PLEK2: variants seen among roughly 807,000 people sequenced by gnomAD.
The protein encoded by PLEK2 is pleckstrin-2.
Under a neutral mutation model 43.8 loss-of-function variants are expected in PLEK2, and 29 were observed. The observed-to-expected ratio is 0.66, with a 90% confidence interval of 0.49 to 0.90. The LOEUF is 0.90. Among genes scored for constraint, PLEK2 ranks in the 40% least tolerant of loss-of-function variants. The pLI, the probability that PLEK2 is intolerant of heterozygous loss-of-function variation, is 0.00. For synonymous variants in PLEK2, 162 were observed against 173.2 expected (o/e 0.94, Z 0.51); for missense variants, 398 against 448.1 (o/e 0.89, Z 1.01).
chr14:67,412,021 CTT>C lies in PLEK2; in HGVS notation c.37_38del (p.Lys13GlufsTer26). On this transcript the variant is annotated frameshift_variant, in exon 1 of 9. Transcript: ENST00000216446. LOFTEE classifies it high-confidence loss of function. ...CCGAAGCTCGACGCGCACTCACCCT[CTT>C]GACCAGGAAGCCCTCCTTGAGCACG... The part of the protein sequence containing the change: ...DGVLKEGFLV[K>X]RGHIVHNWKA... 1 of 1,556,294 alleles carries C rather than the reference CTT, an allele frequency of 6.4e-7. No individual in the cohort carries two copies. Among genetic ancestry groups the C allele is most frequent in the Non-Finnish European group, 8.7e-7 (1 of 1,153,630 alleles).
At chr14:67,408,515 G>C (rs2086096899) in intron 1 of PLEK2, among the ~76,000 whole-genome samples, 1 of 152,066 alleles carries the variant, frequency 6.6e-6, no homozygotes, top group Admixed American at 6.6e-5. Flanking sequence ...AGTCACCCTA[G>C]ACTAGAATGG....
At chr14:67,388,942 G>A (rs1005442901) in intron 7 of PLEK2, among the ~76,000 whole-genome samples, 1 of 151,976 alleles carries the variant, frequency 6.6e-6, no homozygotes, top group Non-Finnish European at 1.5e-5. Context: ...GCCTCCCAAA[G>A]TGCTGGGATT....
chr14:67,392,429 T>C lies in PLEK2; in HGVS notation c.670-2A>G, dbSNP rs773755656. 5 of 1,606,666 alleles carry C rather than the reference T, an allele frequency of 3.1e-6. No homozygotes were observed. In the East Asian group the frequency reaches 1.1e-4, roughly 36 times the overall value. On this transcript the variant is annotated splice_acceptor_variant, in intron 5 of 8. Transcript: ENST00000216446. LOFTEE classifies it high-confidence loss of function. ...TATCTTCTTTTTGTAGCTCTCAGCC[T>C]AGGGGGAAGGAGGGAGCAAGGACTC...
At chr14:67,392,993 G>A in intron 4 of PLEK2, 144 bp from the exon 5 acceptor site, 2 of 867,786 alleles carry the variant, frequency 2.3e-6, no homozygotes, top group Non-Finnish European at 3.7e-6. Flanking sequence ...CTGCTGCATA[G>A]AGCCGTGGCT....
chr14:67,405,009 G>A (rs118088625), intron 1 of PLEK2, among the ~76,000 whole-genome samples: 1,817 of 151,732 alleles, frequency 0.012, 18 homozygotes, highest in Non-Finnish European at 0.018. Context: ...CAAAGTAGGC[G>A]GGTCACCTGA....
rs1473839253 is a variant in PLEK2 at position 67,392,722 on chromosome 14, G to A, written c.609C>T (p.Ala203=). The A allele has an allele frequency of 1.2e-6, 2 of 1,614,206 alleles. 1 individual carries two copies. The highest frequency in any genetic ancestry group is 3.3e-4 in the Middle Eastern group (2 of 6,062). ...GCTCGGCCAGATCCCCAGAGCGAAT[G>A]GCTCCCATGCTTCGGACACCCACAG... ...LRPVGVRSMG[A]IRSGDLAEQF... Residue 203 remains alanine (A), a synonymous_variant, in exon 5 of 9, where the codon GCC becomes GCT. Coordinates refer to ENST00000216446, the MANE Select transcript of PLEK2 (RefSeq NM_016445.3).
chr14:67,392,122 C>T (rs940780511), intron 6 of PLEK2, among the ~76,000 whole-genome samples: 10 of 152,264 alleles, frequency 6.6e-5, no homozygotes, highest in Admixed American at 6.5e-4. Flanking sequence ...GCCCTTGTGT[C>T]TGGTACACAT....
At chr14:67,403,154 G>A (rs1035152425) in intron 1 of PLEK2, among the ~76,000 whole-genome samples, 2 of 152,136 alleles carry the variant, frequency 1.3e-5, no homozygotes, top group Non-Finnish European at 2.9e-5. Flanking sequence ...GTTTTGATTT[G>A]CATTTCCCTG....
At chr14:67,404,811 G>GA (rs1474139368) in intron 1 of PLEK2, among the ~76,000 whole-genome samples, 1 of 151,912 alleles carries the variant, frequency 6.6e-6, no homozygotes, top group Non-Finnish European at 1.5e-5. Context: ...CCCCATCTCA[G>GA]AAAAAATATA....
chr14:67,396,128 T>C (rs2086006674), intron 2 of PLEK2, among the ~76,000 whole-genome samples: 2 of 151,720 alleles, frequency 1.3e-5, no homozygotes, highest in African/African-American at 2.4e-5. Flanking sequence ...CCAGGTCGCT[T>C]TGTTTTTTTG....
Position 67,395,488 on chromosome 14 carries a change from C to T in PLEK2, c.303G>A (p.Gly101=), listed in dbSNP as rs140692933. 1.9e-6 allele frequency: 3 copies of T among 1,614,066 alleles called. No individual in the cohort carries two copies. The Admixed American group carries it at 5.0e-5, about 27-fold the overall frequency. Residue 101 remains glycine (G), a synonymous_variant, in exon 3 of 9, where the codon GGG becomes GGA. Transcript: ENST00000216446. The part of the protein sequence containing the change: ...ERDAWAFEIT[G]AIHAGQPGKV... ...TCCCCGGCTGCCCTGCATGAATAGC[C>T]CCGGTGATCTCAAAGGCCCAGGCAT...
At chr14:67,407,412 C>G (rs189272138) in intron 1 of PLEK2, among the ~76,000 whole-genome samples, 1 of 151,766 alleles carries the variant, frequency 6.6e-6, no homozygotes, top group African/African-American at 2.4e-5. Context: ...TGAGCCACCA[C>G]GCCCAGCCCC....
At chr14:67,387,833 C>T (rs1256644362) in intron 8 of PLEK2, among the ~76,000 whole-genome samples, 1 of 152,138 alleles carries the variant, frequency 6.6e-6, no homozygotes, top group East Asian at 1.9e-4. Context: ...TTATTGGAAC[C>T]CCAGTTTCCA....
intron 1 of PLEK2, among the ~76,000 whole-genome samples, chr14:67,401,999 C>T (rs377699150): frequency 6.6e-6 from 1 of 152,092 alleles, no homozygotes; most frequent in East Asian, 1.9e-4. Flanking sequence ...GGCATGGTGG[C>T]ACATGCCTGT....
At chr14:67,409,732 T>C (rs2086104480) in intron 1 of PLEK2, among the ~76,000 whole-genome samples, 1 of 152,144 alleles carries the variant, frequency 6.6e-6, no homozygotes, top group African/African-American at 2.4e-5. Flanking sequence ...TCACCGGTGA[T>C]GACTGCTCTG....
chr14:67,407,138 T>C (rs948868179), intron 1 of PLEK2, among the ~76,000 whole-genome samples: 1 of 152,112 alleles, frequency 6.6e-6, no homozygotes, highest in African/African-American at 2.4e-5. Flanking sequence ...TACTTTTTTT[T>C]TGAGACGGAG....
At chr14:67,397,007 C>T (rs7157211) in intron 2 of PLEK2, among the ~76,000 whole-genome samples, 19,683 of 149,070 alleles carry the variant, frequency 0.13, 869 homozygotes, top group East Asian at 0.35. Flanking sequence ...GGCGTGATCT[C>T]GGCTCACTGC....
intron 7 of PLEK2, 59 bp from the exon 8 acceptor site, chr14:67,388,361 A>G: frequency 9.9e-7 from 1 of 1,005,230 alleles, no homozygotes; most frequent in Non-Finnish European, 1.6e-6. Context: ...GAAGAGTTGC[A>G]CTCCCCTTAC....
At chr14:67,408,788 G>A (rs533309316) in intron 1 of PLEK2, among the ~76,000 whole-genome samples, 4 of 152,176 alleles carry the variant, frequency 2.6e-5, no homozygotes, top group Admixed American at 6.5e-5. Flanking sequence ...TTTCTTCTAC[G>A]CATATTTTTT....
Sources: gnomAD v4.1 joint callset for allele counts (sites outside exome capture counted in the v4.1 genomes callset) on GRCh38, gnomAD v4.1.1 for gene constraint, MANE v1.5 for transcripts, NCBI Gene and HGNC (gene_info 2026-07-23, HGNC 2026-07-21) for gene names.